DDR2: variants seen among roughly 807,000 people sequenced by gnomAD.
The protein encoded by DDR2 is discoidin domain-containing receptor 2.
A neutral mutation model predicts 94.9 loss-of-function variants in DDR2; 27 were observed. The observed-to-expected ratio is 0.28, with a 90% CI of 0.21 to 0.39. The LOEUF is 0.39. Ranked by LOEUF, DDR2 falls within the 10% of genes least tolerant of loss-of-function variation. The pLI is 1.00. For synonymous variants in DDR2, 382 were observed against 377.2 expected, an observed-to-expected ratio of 1.01 and a Z score of -0.15; for missense variants, 783 against 1,076.0, an observed-to-expected ratio of 0.73 and a Z score of 3.81.
intron 9 of DDR2, 76 bp downstream of exon 9, chr1:162,761,530 T>C: frequency 6.2e-7 from 1 of 1,609,138 alleles, no homozygotes; most frequent in Non-Finnish European, 8.5e-7. Flanking sequence ...GAACTTCTCA[T>C]TAGCAGGTCT....
At chr1:162,728,764 G>GGT (rs984980845) in intron 3 of DDR2, among the ~76,000 whole-genome samples, 11 of 152,076 alleles carry the variant, frequency 7.2e-5, no homozygotes, top group Non-Finnish European at 1.5e-4. Flanking sequence ...TGATAAACAG[G>GGT]GTGTGTGTGC....
At chr1:162,715,116 A>G (rs2102021725) in intron 2 of DDR2, among the ~76,000 whole-genome samples, 1 of 152,306 alleles carries the variant, frequency 6.6e-6, no homozygotes, top group Non-Finnish European at 1.5e-5. Flanking sequence ...ACTTCCTTTT[A>G]GGGTATGGAA....
At chr1:162,681,881 C>A (rs1659423914) in intron 2 of DDR2, among the ~76,000 whole-genome samples, 1 of 152,186 alleles carries the variant, frequency 6.6e-6, no homozygotes, top group Admixed American at 6.5e-5. Context: ...AGGTTCACAG[C>A]AGAAGGGAGC....
At chr1:162,673,598 TGTGTGTGTGTGAGAGAGAGAGAGA>T (rs1167922751) in intron 2 of DDR2, among the ~76,000 whole-genome samples, 1 of 135,244 alleles carries the variant, frequency 7.4e-6, no homozygotes, top group Non-Finnish European at 1.5e-5. Flanking sequence ...TGTGTGTATG[TGTGTGTGTGTGAGAGAGAGAGAGA>T]GAGAGAGAGA....
intron 3 of DDR2, among the ~76,000 whole-genome samples, chr1:162,739,710 A>T (rs149635289): frequency 1.3e-5 from 2 of 152,338 alleles, no homozygotes; most frequent in African/African-American, 4.8e-5. Context: ...TTTGATTTAC[A>T]TTCTAAAAGA....
chr1:162,774,375 C>T (rs990618917), intron 14 of DDR2, among the ~76,000 whole-genome samples: 36 of 152,104 alleles, frequency 2.4e-4, no homozygotes, highest in African/African-American at 8.5e-4. Context: ...CACTGATATT[C>T]ATAGTGAAAA....
chr1:162,631,738 A>C (rs1203540970), upstream of DDR2, among the ~76,000 whole-genome samples: 1 of 152,056 alleles, frequency 6.6e-6, no homozygotes, highest in African/African-American at 2.4e-5. Context: ...GGAAGCGGGG[A>C]GAAGATAAAG....
chr1:162,771,324 G>A (rs1664256472), intron 12 of DDR2, among the ~76,000 whole-genome samples: 1 of 152,170 alleles, frequency 6.6e-6, no homozygotes. Flanking sequence ...TGAGCTGGAT[G>A]TAGAAGCAGA....
chr1:162,730,058 CA>C (rs1157549226), intron 3 of DDR2, among the ~76,000 whole-genome samples: 4,005 of 64,100 alleles, frequency 0.062, 53 homozygotes, highest in African/African-American at 0.084. Context: ...TTTTTTTTTG[CA>C]AAAAAAAAAA....
At chr1:162,771,019 A>C (rs1245930820) in intron 12 of DDR2, among the ~76,000 whole-genome samples, 2 of 152,186 alleles carry the variant, frequency 1.3e-5, no homozygotes, top group Non-Finnish European at 2.9e-5. Context: ...ATTTTTTGTG[A>C]ATTTCTCTTT....
chr1:162,770,523 T>C lies in DDR2; in HGVS notation c.1504+11T>C, dbSNP rs77385055. The C allele has an allele frequency of 4.4e-3, 7,160 of 1,613,878 alleles. 74 individuals are homozygous for C. The East Asian group carries it at 0.046, about 10-fold the overall frequency. On this transcript the variant is annotated intron_variant, in intron 12 of 17. Coordinates refer to ENST00000367921, the MANE Select transcript of DDR2 (RefSeq NM_006182.4). ...GGGAGGAGGAGTCAGGTGAGGATGA[T>C]GTGGTGGGCAGGGTGTCAAGGGAGA...
At chr1:162,755,837 C>A in intron 7 of DDR2, 68 bp downstream of exon 7, 1 of 1,320,404 alleles carries the variant, frequency 7.6e-7, no homozygotes, top group Non-Finnish European at 1.1e-6. Flanking sequence ...TTTATCATGT[C>A]TTGGGATCAA....
chr1:162,653,095 G>A (rs942219499), intron 1 of DDR2, among the ~76,000 whole-genome samples: 1 of 151,488 alleles, frequency 6.6e-6, no homozygotes, highest in Admixed American at 6.6e-5. Flanking sequence ...ACAGAACAAG[G>A]CCCTGTCTTA....
rs1402825920 is a variant in DDR2 at position 162,785,750 on chromosome 1, G to A, written c.*5504G>A. ...TAACATGGAGAGTTTATTTTCAAGT[G>A]AGGAAAGAGAAAAAAATTACTCAGA... On this transcript the variant is annotated 3_prime_UTR_variant, in exon 18 of 18. Transcript: ENST00000367921. 4 of 152,218 alleles carry A rather than the reference G, an allele frequency of 2.6e-5. No individual in the cohort carries two copies. The highest frequency in any genetic ancestry group is 4.4e-5 in the Non-Finnish European group (3 of 68,024). The allele number at this position is 152,218 out of a possible 1,614,324, so 9.4% of individuals were successfully genotyped here. A position where few individuals can be genotyped will look rare whatever the true frequency, so the allele number is the denominator to read the frequency against.
At chr1:162,708,225 C>A (rs1187418645) in intron 2 of DDR2, among the ~76,000 whole-genome samples, 1 of 152,150 alleles carries the variant, frequency 6.6e-6, no homozygotes, top group Non-Finnish European at 1.5e-5. Flanking sequence ...AAGTTTCTCT[C>A]CAAGGAGGGT....
At position 162,732,268 on chromosome 1, in the gene DDR2, C is replaced by T. The variant is rs962962556; in HGVS notation, c.82+13123C>T. Among the ~76,000 whole-genome samples, 4 of 152,332 alleles carry T rather than the reference C, an allele frequency of 2.6e-5. No individual in the cohort carries two copies. The East Asian group carries it at 5.8e-4, about 22-fold the overall frequency. ...ACCCAAATAATCTTTCTTGGCCCCCCTGTGGAATCCCATTGTGTCAATATT... is the reference window on the plus strand; with the variant it reads ...ACCCAAATAATCTTTCTTGGCCCCCTTGTGGAATCCCATTGTGTCAATATT... On this transcript the variant is annotated intron_variant, in intron 3 of 17. Coordinates refer to ENST00000367921, the MANE Select transcript of DDR2 (RefSeq NM_006182.4).
chr1:162,716,989 CTTGA>C (rs938398797), intron 2 of DDR2, among the ~76,000 whole-genome samples: 142 of 151,982 alleles, frequency 9.3e-4, no homozygotes, highest in African/African-American at 3.2e-3. Context: ...CCAATGCTTG[CTTGA>C]TTATTAGTGT....
intron 3 of DDR2, among the ~76,000 whole-genome samples, chr1:162,751,207 G>A (rs1571288469): frequency 6.6e-6 from 1 of 152,058 alleles, no homozygotes; most frequent in East Asian, 1.9e-4. Context: ...GAGTGAACAG[G>A]CAACCTACAG....
At chr1:162,657,909 C>T (rs1276319942) in intron 2 of DDR2, among the ~76,000 whole-genome samples, 5 of 151,986 alleles carry the variant, frequency 3.3e-5, no homozygotes, top group South Asian at 2.1e-4. Context: ...GCCCCCACCT[C>T]GGCTCCCTCT....
Sources: allele counts gnomAD v4.1 joint callset (sites outside exome capture counted in the v4.1 genomes callset), GRCh38; gene constraint gnomAD v4.1.1; transcripts MANE v1.5; gene names NCBI Gene and HGNC (gene_info 2026-07-23, HGNC 2026-07-21).